Variants in CHRM3 observed in about 807,000 individuals in gnomAD.
CHRM3 encodes the protein cholinergic receptor muscarinic 3.
CHRM3 carries 11 observed loss-of-function variants against 41.8 expected under a neutral mutation model. That is an observed-to-expected ratio of 0.26 (90% CI 0.17 to 0.44). CHRM3 has a LOEUF of 0.44. CHRM3 is among the 20% of genes least tolerant of loss of function. The pLI is 1.00. For synonymous variants in CHRM3, 297 were observed against 301.4 expected, an observed-to-expected ratio of 0.99 and a Z score of 0.15; for missense variants, 571 against 745.4, an observed-to-expected ratio of 0.77 and a Z score of 2.72.
intron 3 of CHRM3, chr1:239,629,622 C>G (rs1191206470): frequency 1.3e-5 from 2 of 152,182 alleles, no homozygotes; most frequent in Non-Finnish European, 2.9e-5. Flanking sequence ...TTTGTGTGCA[C>G]TGGGAAACCA....
At chr1:239,897,463 A>G (rs1016102568) in intron 6 of CHRM3, among the ~76,000 whole-genome samples, 1 of 152,210 alleles carries the variant, frequency 6.6e-6, no homozygotes, top group African/African-American at 2.4e-5. Flanking sequence ...TTTTCATCAG[A>G]ATAACTTCCA....
chr1:239,842,646 CT>C (rs1673912299), intron 6 of CHRM3, among the ~76,000 whole-genome samples: 1 of 152,134 alleles, frequency 6.6e-6, no homozygotes, highest in African/African-American at 2.4e-5. Flanking sequence ...GCCCCAAATT[CT>C]GATCACTTGA....
chr1:239,735,595 TA>T (rs1264633651), intron 5 of CHRM3, among the ~76,000 whole-genome samples: 1 of 152,108 alleles, frequency 6.6e-6, no homozygotes, highest in East Asian at 1.9e-4. Context: ...CAACAAATAA[TA>T]AACGAAGCAC....
chr1:239,594,527 A>G (rs1175783951), intron 3 of CHRM3, among the ~76,000 whole-genome samples: 2 of 152,192 alleles, frequency 1.3e-5, no homozygotes, highest in South Asian at 2.1e-4. Flanking sequence ...CATTGGTGAA[A>G]AGGCTCATTT....
chr1:239,657,164 C>T (rs1014731358), intron 4 of CHRM3, among the ~76,000 whole-genome samples: 2 of 152,104 alleles, frequency 1.3e-5, no homozygotes, highest in Admixed American at 1.3e-4. Flanking sequence ...ATTTCAAATC[C>T]AGTAACATTT....
intron 5 of CHRM3, among the ~76,000 whole-genome samples, chr1:239,801,807 A>T (rs1111248): frequency 0.71 from 107,695 of 151,928 alleles, 38,156 homozygotes; most frequent in East Asian, 0.78. Context: ...CCCAACTTTC[A>T]AGAAGCTTTC....
chr1:239,499,628 G>A (rs1668097510), intron 2 of CHRM3, among the ~76,000 whole-genome samples: 1 of 152,140 alleles, frequency 6.6e-6, no homozygotes, highest in South Asian at 2.1e-4. Flanking sequence ...CGACCATCAG[G>A]AGGTAGAAAT....
intron 6 of CHRM3, among the ~76,000 whole-genome samples, chr1:239,879,146 C>G (rs969551035): frequency 2.0e-5 from 3 of 152,072 alleles, no homozygotes; most frequent in Non-Finnish European, 2.9e-5. Context: ...CCATTTTTTT[C>G]TTAAGACAGG....
At position 239,911,346 on chromosome 1, in the gene CHRM3, A is replaced by G. The variant is rs1385398117; in HGVS notation, c.*2122A>G. On this transcript the variant is annotated 3_prime_UTR_variant, in exon 7 of 7. Coordinates refer to ENST00000676153, the MANE Select transcript of CHRM3 (RefSeq NM_001375978.1). ...AGAAAGAAACAGACGATTTTCTAAT[A>G]TGTACACAGCAAACTACAGAATGTC... 9.0e-5 allele frequency: 15 copies of G among 167,042 alleles called. No homozygotes were observed. The Admixed American group carries it at 9.8e-4, about 11-fold the overall frequency. The allele number at this position is 167,042 out of a possible 1,614,324, so 10.3% of individuals were successfully genotyped here.
chr1:239,396,295 C>T (rs1332696659), intron 1 of CHRM3, among the ~76,000 whole-genome samples: 1 of 152,046 alleles, frequency 6.6e-6, no homozygotes, highest in African/African-American at 2.4e-5. Flanking sequence ...GTATCTAGTG[C>T]AGAGTCTTCT....
chr1:239,909,174 CAG>C lies in CHRM3; in HGVS notation c.1727_1728del (p.Arg576ThrfsTer17), dbSNP rs1680211726. On this transcript the variant is annotated frameshift_variant, in exon 7 of 7. Transcript: ENST00000676153. LOFTEE classifies it high-confidence loss of function. ...AAAGAGGCGCAAGCAGCAGTACCAG[CAG>C]AGACAGTCGGTCATTTTTCACAAGC... ...KKKRRKQQYQ[Q>X]RQSVIFHKRA... The C allele has an allele frequency of 6.2e-7, 1 of 1,613,480 alleles. No homozygotes were observed. The highest frequency in any genetic ancestry group is 8.5e-7 in the Non-Finnish European group (1 of 1,179,892).
intron 5 of CHRM3, among the ~76,000 whole-genome samples, chr1:239,734,531 T>C (rs1481920024): frequency 6.6e-6 from 1 of 152,034 alleles, no homozygotes; most frequent in Non-Finnish European, 1.5e-5. Flanking sequence ...AATCAAGCAT[T>C]TTTTTTCTGC....
chr1:239,718,508 G>A (rs753027614), intron 5 of CHRM3, among the ~76,000 whole-genome samples: 1 of 151,962 alleles, frequency 6.6e-6, no homozygotes, highest in South Asian at 2.1e-4. Flanking sequence ...TCTGGGTCAG[G>A]AGTAATATTC....
chr1:239,505,767 G>T (rs950208665), intron 2 of CHRM3, among the ~76,000 whole-genome samples: 6 of 152,184 alleles, frequency 3.9e-5, no homozygotes, highest in Admixed American at 3.9e-4. Flanking sequence ...CTCAGAAGAA[G>T]ACAGGAAATT....
chr1:239,496,511 G>GTA (rs1491099008), intron 2 of CHRM3, among the ~76,000 whole-genome samples: 2 of 934 alleles, frequency 2.1e-3, no homozygotes, highest in African/African-American at 2.6e-3. Context: ...AGTAATTCTA[G>GTA]TGTGTGTGTG....
intron 5 of CHRM3, among the ~76,000 whole-genome samples, chr1:239,794,744 C>G (rs1669631505): frequency 6.6e-6 from 1 of 152,150 alleles, no homozygotes; most frequent in Non-Finnish European, 1.5e-5. Flanking sequence ...AGTTTTATAA[C>G]ACATGAAACC....
chr1:239,451,560 C>A (rs1205510411), intron 1 of CHRM3, among the ~76,000 whole-genome samples: 1 of 152,070 alleles, frequency 6.6e-6, no homozygotes, highest in Non-Finnish European at 1.5e-5. Flanking sequence ...TCCACCCATG[C>A]CGTACAGATT....
At chr1:239,801,396 C>A (rs1349721160) in intron 5 of CHRM3, among the ~76,000 whole-genome samples, 1 of 152,144 alleles carries the variant, frequency 6.6e-6, no homozygotes, top group Non-Finnish European at 1.5e-5. Context: ...GCACTGTTTT[C>A]CATAAAGTAG....
intron 5 of CHRM3, among the ~76,000 whole-genome samples, chr1:239,762,700 T>C (rs1666899702): frequency 6.6e-6 from 1 of 152,204 alleles, no homozygotes; most frequent in Non-Finnish European, 1.5e-5. Context: ...AAAGGAATCA[T>C]AATCTCAAAA....
Sources: gnomAD v4.1 joint callset for allele counts (sites outside exome capture counted in the v4.1 genomes callset) on GRCh38, gnomAD v4.1.1 for gene constraint, MANE v1.5 for transcripts, NCBI Gene and HGNC (gene_info 2026-07-23, HGNC 2026-07-21) for gene names.